PRKAR2B: variants seen among roughly 807,000 people sequenced by gnomAD.
The protein encoded by PRKAR2B is cAMP-dependent protein kinase type II-beta regulatory subunit.
A neutral mutation model predicts 49.9 loss-of-function variants in PRKAR2B; 14 were observed. That is an observed-to-expected ratio of 0.28 (90% confidence interval 0.19 to 0.44). The LOEUF (loss-of-function observed/expected upper bound fraction) is 0.44, where lower values mean the gene tolerates loss of function less well. Ranked by LOEUF, PRKAR2B falls within the 20% of genes least tolerant of loss-of-function variation. PRKAR2B has a pLI of 1.00. For synonymous variants in PRKAR2B, 196 were observed against 197.7 expected (o/e 0.99, Z 0.07); for missense variants, 393 against 537.9 (o/e 0.73, Z 2.67).
At chr7:107,102,909 G>T (rs1167291661) in intron 2 of PRKAR2B, among the ~76,000 whole-genome samples, 1 of 152,130 alleles carries the variant, frequency 6.6e-6, no homozygotes, top group Non-Finnish European at 1.5e-5. Context: ...GACCTCAGGT[G>T]ATCTGCCCGC....
At chr7:107,104,815 G>C (rs779910768) in intron 2 of PRKAR2B, among the ~76,000 whole-genome samples, 11 of 152,174 alleles carry the variant, frequency 7.2e-5, no homozygotes, top group Non-Finnish European at 1.6e-4. Context: ...TACCCCTTAA[G>C]TCTAATACCA....
At position 107,161,165 on chromosome 7, in the gene PRKAR2B, A is replaced by G. The variant is rs1019505142; in HGVS notation, c.*1583A>G. ...ATAACTTCAGCCACATTTTTAGAAC[A>G]CTGTTTAACATTTTTGCAAAACCTT... is the stretch of plus-strand genomic sequence containing the variant. On this transcript the variant is annotated 3_prime_UTR_variant, in exon 11 of 11. Coordinates refer to ENST00000265717, the MANE Select transcript of PRKAR2B (RefSeq NM_002736.3). 2 of 152,220 alleles carry G rather than the reference A, an allele frequency of 1.3e-5. No homozygotes were observed. The allele number at this position is 152,220 out of a possible 1,614,324, so 9.4% of individuals were successfully genotyped here.
chr7:107,053,756 T>C (rs1283909736), intron 1 of PRKAR2B, among the ~76,000 whole-genome samples: 2 of 152,208 alleles, frequency 1.3e-5, no homozygotes, highest in Non-Finnish European at 2.9e-5. Flanking sequence ...TGGTAATGTT[T>C]TTGGTGCAAC....
chr7:107,111,541 GTGTT>G (rs1162940243), intron 2 of PRKAR2B, among the ~76,000 whole-genome samples: 1 of 152,176 alleles, frequency 6.6e-6, no homozygotes, highest in East Asian at 1.9e-4. Context: ...GAGAGTCTCT[GTGTT>G]TGTTTGGGAG....
intron 2 of PRKAR2B, among the ~76,000 whole-genome samples, chr7:107,119,043 G>A (rs1205567415): frequency 1.3e-5 from 2 of 152,170 alleles, no homozygotes; most frequent in East Asian, 1.9e-4. Context: ...TCAACAGGGT[G>A]TTAAGTAATA....
intron 3 of PRKAR2B, among the ~76,000 whole-genome samples, chr7:107,126,110 G>C (rs868167959): frequency 1.0e-5 from 1 of 98,310 alleles, no homozygotes; most frequent in Non-Finnish European, 2.2e-5. Context: ...AAAAAAAAAA[G>C]AGGCCAGGCG....
At chr7:107,085,802 G>A (rs1273094137) in intron 2 of PRKAR2B, among the ~76,000 whole-genome samples, 1 of 152,026 alleles carries the variant, frequency 6.6e-6, no homozygotes, top group African/African-American at 2.4e-5. Flanking sequence ...TCTTAATGGT[G>A]TCCTATTATA....
chr7:107,157,054 GCATT>G lies in PRKAR2B; in HGVS notation c.984+7_984+10del. 3 of 1,610,232 alleles carry G rather than the reference GCATT, an allele frequency of 1.9e-6. No homozygotes were observed. Among genetic ancestry groups the G allele is most frequent in the Non-Finnish European group, 2.5e-6 (3 of 1,176,496 alleles). Reference sequence around the variant, plus strand: ...AAAATTACTATGAAAAGAAAGGTAAGCATTCTAAGTCCTCAGAACCCACATACTG... The same window carrying G: ...AAAATTACTATGAAAAGAAAGGTAAGCTAAGTCCTCAGAACCCACATACTG... On this transcript the variant is annotated splice_donor_region_variant and intron_variant, in intron 9 of 10. Coordinates refer to ENST00000265717, the MANE Select transcript of PRKAR2B (RefSeq NM_002736.3).
At chr7:107,048,423 T>C (rs752694677) in intron 1 of PRKAR2B, among the ~76,000 whole-genome samples, 5 of 152,112 alleles carry the variant, frequency 3.3e-5, no homozygotes, top group Non-Finnish European at 7.3e-5. Context: ...GTAATGCTGA[T>C]GGATTTGCAT....
At chr7:107,065,931 T>G (rs1794128058) in intron 1 of PRKAR2B, among the ~76,000 whole-genome samples, 1 of 152,174 alleles carries the variant, frequency 6.6e-6, no homozygotes, top group South Asian at 2.1e-4. Flanking sequence ...ATTTTTCTTG[T>G]AAGGACACGG....
intron 2 of PRKAR2B, among the ~76,000 whole-genome samples, chr7:107,097,034 T>A (rs1453723726): frequency 6.6e-6 from 1 of 152,214 alleles, no homozygotes; most frequent in Non-Finnish European, 1.5e-5. Flanking sequence ...GTCTGCTTGG[T>A]GCAGAGCTGA....
intron 2 of PRKAR2B, among the ~76,000 whole-genome samples, chr7:107,106,799 C>A (rs747819751): frequency 2.0e-5 from 3 of 151,836 alleles, no homozygotes; most frequent in African/African-American, 7.3e-5. Flanking sequence ...ATCAAGGGAC[C>A]GAGGGGGCTC....
chr7:107,131,748 C>T (rs1795607167), intron 4 of PRKAR2B, among the ~76,000 whole-genome samples: 1 of 152,116 alleles, frequency 6.6e-6, no homozygotes, highest in South Asian at 2.1e-4. Context: ...TGGAATAAGA[C>T]ATTTAGCCCA....
At chr7:107,132,606 G>T (rs1411004301) in intron 4 of PRKAR2B, among the ~76,000 whole-genome samples, 1 of 152,128 alleles carries the variant, frequency 6.6e-6, no homozygotes, top group Admixed American at 6.6e-5. Flanking sequence ...TTGGTACTTG[G>T]TGATTGATTT....
Position 107,159,337 on chromosome 7 carries a change from C to T in PRKAR2B, c.1124-112C>T, listed in dbSNP as rs1796154216. ...TTTTTCTTGTATTTTATAGTATTTA[C>T]CTAAAATATCATTGCACTATTGATA... On this transcript the variant is annotated intron_variant, in intron 10 of 10. Transcript: ENST00000265717. 4.7e-6 allele frequency: 5 copies of T among 1,072,466 alleles called. No individual in the cohort carries two copies. The Admixed American group carries it at 1.0e-4, about 22-fold the overall frequency. The allele number at this position is 1,072,466 out of a possible 1,614,324, so 66.4% of individuals were successfully genotyped here. A position where few individuals can be genotyped will look rare whatever the true frequency, so the allele number is the denominator to read the frequency against.
At chr7:107,051,865 A>G (rs1277388395) in intron 1 of PRKAR2B, among the ~76,000 whole-genome samples, 1 of 152,220 alleles carries the variant, frequency 6.6e-6, no homozygotes, top group East Asian at 1.9e-4. Context: ...GATATACTGT[A>G]TACAGTTATT....
At chr7:107,113,805 T>A (rs1795216799) in intron 2 of PRKAR2B, among the ~76,000 whole-genome samples, 1 of 152,226 alleles carries the variant, frequency 6.6e-6, no homozygotes, top group Non-Finnish European at 1.5e-5. Flanking sequence ...CTTGTATCTT[T>A]ATCTAAGGAA....
In PRKAR2B at chr7:107,146,431, T is replaced by C. The variant is rs750776015; in HGVS notation, c.711T>C (p.Thr237=). 4.3e-6 allele frequency: 7 copies of C among 1,614,078 alleles called. No individual in the cohort carries two copies. The East Asian group carries it at 1.6e-4, about 36-fold the overall frequency. ...MYNTPRAATI[T]ATSPGALWGL... is the part of the protein sequence containing the mutation. Reference sequence around the variant, plus strand: ...ATACACCCAGAGCAGCTACAATCACTGCTACCTCTCCTGGTGCTCTGTGGG... The same window carrying C: ...ATACACCCAGAGCAGCTACAATCACCGCTACCTCTCCTGGTGCTCTGTGGG... The change falls in exon 6 of 11, where the codon ACT becomes ACC. Residue 237 remains threonine (T), a synonymous_variant. Coordinates refer to ENST00000265717, the MANE Select transcript of PRKAR2B (RefSeq NM_002736.3).
At chr7:107,055,949 G>A (rs1272933502) in intron 1 of PRKAR2B, among the ~76,000 whole-genome samples, 1 of 152,124 alleles carries the variant, frequency 6.6e-6, no homozygotes, top group East Asian at 1.9e-4. Flanking sequence ...ATGGTTTTAG[G>A]TCTAACATTT....
Sources: gnomAD v4.1 joint callset for allele counts (sites outside exome capture counted in the v4.1 genomes callset) on GRCh38, gnomAD v4.1.1 for gene constraint, MANE v1.5 for transcripts, NCBI Gene and HGNC (gene_info 2026-07-23, HGNC 2026-07-21) for gene names.